NEURL1B: variants seen among roughly 807,000 people sequenced by gnomAD.
The protein encoded by NEURL1B is neuralized E3 ubiquitin protein ligase 1B, also known as E3 ubiquitin-protein ligase NEURL1B.
In NEURL1B, 13 loss-of-function variants were observed where a neutral mutation model predicts 37.4. The observed-to-expected ratio is 0.35, with a 90% confidence interval of 0.23 to 0.55. The LOEUF (loss-of-function observed/expected upper bound fraction) is 0.55. Ranked by LOEUF, NEURL1B falls within the 20% of genes least tolerant of loss-of-function variation. The pLI is 0.89. For missense variants in NEURL1B, 790 were observed against 879.2 expected (o/e 0.90, Z 1.28); for synonymous variants, 432 against 426.6 (o/e 1.01, Z -0.16).
rs1027222093 is a variant in NEURL1B at position 172,683,404 on chromosome 5, C to T, written c.578-15C>T. 1 of 1,326,026 alleles carries T rather than the reference C, an allele frequency of 7.5e-7. No homozygotes were observed. The highest frequency in any genetic ancestry group is 9.7e-7 in the Non-Finnish European group (1 of 1,031,722). 82.1% of individuals were successfully genotyped at this position (1,326,026 alleles called of 1,614,324 possible). ...CGGCCTCTCCCCCTCCATGTCCCTC[C>T]CTTTGTCCGCACAGAGAGCGCCTTC... On this transcript the variant is annotated splice_polypyrimidine_tract_variant and intron_variant, in intron 2 of 4. Coordinates refer to ENST00000369800, the MANE Select transcript of NEURL1B (RefSeq NM_001142651.3). This position sits in a 1 kb window ranked among gnomAD's most constrained non-coding sequence, Gnocchi z 5.6.
At chr5:172,648,716 A>T (rs1757604894) in intron 1 of NEURL1B, among the ~76,000 whole-genome samples, 1 of 152,226 alleles carries the variant, frequency 6.6e-6, no homozygotes, top group African/African-American at 2.4e-5. Context: ...AGCATTTAGA[A>T]ATCTTGGCAG....
Position 172,665,816 on chromosome 5 carries a change from C to G in NEURL1B, c.32-3969C>G, listed in dbSNP as rs1757999640. ...AGCCCCTAACTGAGTCCAGGGCCTC[C>G]TCCAGGCCCCTAGTCCCCCCGGTGC... On this transcript the variant is annotated intron_variant, in intron 1 of 4. Transcript: ENST00000369800. The surrounding 1 kb of genome is among the most constrained non-coding windows in gnomAD (Gnocchi z 4.1). Among the ~76,000 whole-genome samples the G allele has an allele frequency of 6.6e-6, 1 of 152,122 alleles. No individual in the cohort carries two copies. Among genetic ancestry groups the G allele is most frequent in the Non-Finnish European group, 1.5e-5 (1 of 68,026 alleles).
chr5:172,683,754 G>T lies in NEURL1B; in HGVS notation c.913G>T (p.Asp305Tyr). The T allele has an allele frequency of 7.6e-7, 1 of 1,312,838 alleles. No homozygotes were observed. Among genetic ancestry groups the T allele is most frequent in the South Asian group, 1.7e-5 (1 of 57,740 alleles). The allele number at this position is 1,312,838 out of a possible 1,614,324, so 81.3% of individuals were successfully genotyped here. A position where few individuals can be genotyped will look rare whatever the true frequency, so the allele number is the denominator to read the frequency against. The change falls in exon 3 of 5, where the codon GAC (aspartate) becomes TAC (tyrosine). Residue 305 changes from aspartate (D) to tyrosine (Y), a missense_variant. Physicochemically the swap from Asp to Tyr is radical, Grantham distance 160. Coordinates refer to ENST00000369800, the MANE Select transcript of NEURL1B (RefSeq NM_001142651.3). This position sits in a 1 kb window ranked among gnomAD's most constrained non-coding sequence, Gnocchi z 5.6. ...CAAAGTGGCCTGCGCACCGCGGCCC[G>T]ACGGCGGCCGCACGCTGGTCTTCTC... is the stretch of plus-strand genomic sequence containing the variant. ...DRKVACAPRP[D>Y]GGRTLVFSER...
intron 1 of NEURL1B, among the ~76,000 whole-genome samples, chr5:172,649,166 C>T (rs1230984171): frequency 1.3e-5 from 2 of 152,114 alleles, no homozygotes; most frequent in South Asian, 2.1e-4. Flanking sequence ...GAGAACGTGC[C>T]TGTCACTGGA....
rs952917526 is a variant in NEURL1B, at chr5:172,656,589, T to A, written c.32-13196T>A. Reference sequence around the variant, plus strand: ...CTTCCCCGCGGCCTTCGCTTTTAGCTCCTCGAGTTTCTTCTGCTCCTCTTT... The same window carrying A: ...CTTCCCCGCGGCCTTCGCTTTTAGCACCTCGAGTTTCTTCTGCTCCTCTTT... On this transcript the variant is annotated intron_variant, in intron 1 of 4. Transcript: ENST00000369800. The A allele has an allele frequency of 3.2e-5, 52 of 1,611,054 alleles. No individual in the cohort carries two copies. The African/African-American group carries it at 6.3e-4, about 19-fold the overall frequency.
rs984376491 is a variant in NEURL1B, at chr5:172,647,935, G to C, written c.31+6498G>C. On this transcript the variant is annotated intron_variant, in intron 1 of 4. Coordinates refer to ENST00000369800, the MANE Select transcript of NEURL1B (RefSeq NM_001142651.3). The surrounding 1 kb of genome is among the most constrained non-coding windows in gnomAD (Gnocchi z 4.2). ...TCACAGTGCTCCCAATACCTTCCCT[G>C]GGCCCAGGGTCCTCACAGGCCCTTC... Among the ~76,000 whole-genome samples the C allele has an allele frequency of 2.0e-5, 3 of 152,002 alleles. No individual in the cohort carries two copies. Among genetic ancestry groups the C allele is most frequent in the Non-Finnish European group, 2.9e-5 (2 of 68,008 alleles).
chr5:172,663,828 G>A (rs1561645790), intron 1 of NEURL1B, among the ~76,000 whole-genome samples: 1 of 43,122 alleles, frequency 2.3e-5, no homozygotes, highest in Non-Finnish European at 5.9e-5. Flanking sequence ...GGTTTTATTT[G>A]TTTATTATTA....
Position 172,683,519 on chromosome 5 carries a change from C to T in NEURL1B, c.678C>T (p.Asn226=). 1 of 1,501,610 alleles carries T rather than the reference C, an allele frequency of 6.7e-7. No homozygotes were observed. The highest frequency in any genetic ancestry group is 8.8e-7 in the Non-Finnish European group (1 of 1,130,378). 93.0% of individuals were successfully genotyped at this position (1,501,610 alleles called of 1,614,324 possible). The change falls in exon 3 of 5, where the codon AAC becomes AAT. Residue 226 remains asparagine (N), a synonymous_variant. Coordinates refer to ENST00000369800, the MANE Select transcript of NEURL1B (RefSeq NM_001142651.3). The surrounding 1 kb of genome is among the most constrained non-coding windows in gnomAD (Gnocchi z 5.6). ...PSSHDAANFD[N]NELENNQVVA... ...GCCACGACGCGGCCAACTTCGACAA[C>T]AACGAGCTCGAGAACAACCAGGTGG...
At chr5:172,646,484 G>A (rs1581417826) in intron 1 of NEURL1B, among the ~76,000 whole-genome samples, 1 of 152,342 alleles carries the variant, frequency 6.6e-6, no homozygotes, top group South Asian at 2.1e-4. Flanking sequence ...CCAAGGGGCT[G>A]AAGATGGGGA....
In NEURL1B at chr5:172,683,249, CTAAA is replaced by C. The variant is rs965861048; in HGVS notation, c.578-166_578-163del. Among the ~76,000 whole-genome samples the C allele has an allele frequency of 7.2e-5, 11 of 152,100 alleles. No individual in the cohort carries two copies. Among genetic ancestry groups the C allele is most frequent in the African/African-American group, 2.7e-4 (11 of 41,400 alleles). On this transcript the variant is annotated intron_variant, in intron 2 of 4. Coordinates refer to ENST00000369800, the MANE Select transcript of NEURL1B (RefSeq NM_001142651.3). This position sits in a 1 kb window ranked among gnomAD's most constrained non-coding sequence, Gnocchi z 5.6. ...TGCAATTCTGTGCTCCTGTGACTCA[CTAAA>C]TAACACAGATGGACAAAAGGAGAGT...
intron 2 of NEURL1B, among the ~76,000 whole-genome samples, chr5:172,672,544 C>CCCA (rs776265873): frequency 0.057 from 8,321 of 147,210 alleles, 370 homozygotes; most frequent in Middle Eastern, 0.14. Context: ...GAACTCTCCC[C>CCCA]CCCCCACTCT....
intron 1 of NEURL1B, among the ~76,000 whole-genome samples, chr5:172,664,786 ACT>A (rs1485245583): frequency 6.6e-6 from 1 of 152,064 alleles, no homozygotes; most frequent in Non-Finnish European, 1.5e-5. Context: ...AAACTTTTTA[ACT>A]CTAGTTTTCT....
chr5:172,652,885 T>C (rs1224432036), intron 1 of NEURL1B, among the ~76,000 whole-genome samples: 1 of 152,164 alleles, frequency 6.6e-6, no homozygotes, highest in Non-Finnish European at 1.5e-5. Context: ...TTAGCTTTAG[T>C]CTGGAAGGGT....
intron 1 of NEURL1B, among the ~76,000 whole-genome samples, chr5:172,667,818 A>C (rs542141311): frequency 1.3e-3 from 191 of 151,506 alleles, no homozygotes; most frequent in African/African-American, 4.2e-3. Context: ...AAAATGGTTA[A>C]AGAAAAATCA....
chr5:172,682,670 G>C (rs1357137444), intron 2 of NEURL1B, among the ~76,000 whole-genome samples: 3 of 152,178 alleles, frequency 2.0e-5, no homozygotes, highest in Non-Finnish European at 4.4e-5. Flanking sequence ...CACCTATCCA[G>C]GGCCAGGCAC....
chr5:172,646,380 G>A (rs961412348), intron 1 of NEURL1B, among the ~76,000 whole-genome samples: 1 of 152,158 alleles, frequency 6.6e-6, no homozygotes, highest in African/African-American at 2.4e-5. Context: ...AGAGGCCTCG[G>A]GCCTGCTCCT....
intron 1 of NEURL1B, among the ~76,000 whole-genome samples, chr5:172,663,824 A>G (rs1757950287): frequency 6.4e-5 from 3 of 46,660 alleles, no homozygotes; most frequent in South Asian, 9.4e-4. Context: ...AAGAGGTTTT[A>G]TTTGTTTATT....
chr5:172,675,854 C>T lies in NEURL1B; in HGVS notation c.577+5524C>T, dbSNP rs778635684. 1.5e-4 allele frequency among the ~76,000 whole-genome samples: 23 copies of T among 152,164 alleles called. No individual in the cohort carries two copies. The highest frequency in any genetic ancestry group is 1.2e-3 in the Admixed American group (18 of 15,282). On this transcript the variant is annotated intron_variant, in intron 2 of 4. Transcript: ENST00000369800. The surrounding 1 kb of genome is among the most constrained non-coding windows in gnomAD (Gnocchi z 4.7). ...TGCCCAAAAACTTCAGAGTTTGTAGCATTTCACATTTCAGATTTTCAGATC... is the reference window on the plus strand; with the variant it reads ...TGCCCAAAAACTTCAGAGTTTGTAGTATTTCACATTTCAGATTTTCAGATC...
chr5:172,687,612 G>A lies in NEURL1B; in HGVS notation c.*687G>A, dbSNP rs1011255754. ...TCTTCATTTCTTACTGGGTCTTAGA[G>A]CTGGGTGTGATGGGCACCGAGGCCA... On this transcript the variant is annotated 3_prime_UTR_variant, in exon 5 of 5. Coordinates refer to ENST00000369800, the MANE Select transcript of NEURL1B (RefSeq NM_001142651.3). The A allele has an allele frequency of 1.3e-5, 2 of 152,428 alleles. No individual in the cohort carries two copies. Among genetic ancestry groups the A allele is most frequent in the Non-Finnish European group, 2.9e-5 (2 of 68,328 alleles). 9.4% of individuals were successfully genotyped at this position (152,428 alleles called of 1,614,324 possible). A position where few individuals can be genotyped will look rare whatever the true frequency, so the allele number is the denominator to read the frequency against.
Sources: gnomAD v4.1 joint callset for allele counts (sites outside exome capture counted in the v4.1 genomes callset) on GRCh38, gnomAD v4.1.1 for gene constraint, Gnocchi (gnomAD v3.1) non-coding constraint, MANE v1.5 for transcripts, NCBI Gene and HGNC (gene_info 2026-07-23, HGNC 2026-07-21) for gene names.